The following SNRPN variants were observed in gnomAD, a reference collection of about 807,000 sequenced individuals.
SNRPN encodes the protein small nuclear ribonucleoprotein-associated protein N.
A neutral mutation model predicts 25.2 loss-of-function variants in SNRPN; 7 were observed. The ratio of observed to expected loss-of-function variants is 0.28; its 90% CI spans 0.16 to 0.52. The LOEUF (loss-of-function observed/expected upper bound fraction) is 0.52, where lower values mean the gene tolerates loss of function less well. SNRPN is among the 20% of genes least tolerant of loss of function. The probability of loss-of-function intolerance (pLI) is 0.96; values close to 1 mark genes in which losing one functional copy is unlikely to be tolerated. For synonymous variants in SNRPN, 124 were observed against 110.6 expected (o/e 1.12, Z -0.76); for missense variants, 196 against 322.5 (o/e 0.61, Z 3.00).
chr15:24,838,043 T>A (rs28505893), intron 2 of SNRPN, among the ~76,000 whole-genome samples: 14,409 of 147,372 alleles, frequency 0.098, 1,153 homozygotes, highest in African/African-American at 0.22. Context: ...TTATTTATTT[T>A]TTTTTTTTTG....
rs879612344 is a variant in SNRPN, at chr15:24,939,428, A to ATG, written c.-391+19305_-391+19306insGT. Among the ~76,000 whole-genome samples the ATG allele has an allele frequency of 6.4e-3, 976 of 151,360 alleles. 6 individuals are homozygous for ATG. Among genetic ancestry groups the ATG allele is most frequent in the Admixed American group, 9.9e-3 (150 of 15,182 alleles). On this transcript the variant is annotated intron_variant, in intron 3 of 11. Coordinates refer to the SNRPN transcript ENST00000400097. The stretch of plus-strand genomic sequence containing the variant: ...GACGTTTGCCCATTTTTATGTATGT[A>ATG]TATATGTATGTATTTATTTATTGAG...
In SNRPN at chr15:24,902,356, A is replaced by G. The variant is rs190663414; in HGVS notation, c.-505+15767A>G. Among the ~76,000 whole-genome samples, 4 of 152,332 alleles carry G rather than the reference A, an allele frequency of 2.6e-5. No individual in the cohort carries two copies. The East Asian group carries it at 7.7e-4, about 29-fold the overall frequency. ...TGGTCAGGGAATGCTATCTAGAGGA[A>G]GAAAATTATGACTAGAGACAAGAAT... On this transcript the variant is annotated intron_variant, in intron 2 of 11. Transcript: ENST00000400097.
chr15:24,955,752 GCGA>G (rs1324781270), intron 1 of SNRPN, among the ~76,000 whole-genome samples: 198 of 151,706 alleles, frequency 1.3e-3, no homozygotes, highest in Non-Finnish European at 2.2e-3. Context: ...GGGGAAGGCG[GCGA>G]CAGTGGGTAT....
At chr15:24,873,588 C>G (rs1330701671) in intron 1 of SNRPN, among the ~76,000 whole-genome samples, 1 of 151,966 alleles carries the variant, frequency 6.6e-6, no homozygotes, top group Non-Finnish European at 1.5e-5. Context: ...GCTGGGACCA[C>G]AAGTGCCCAC....
At position 24,956,507 on chromosome 15, in the gene SNRPN, C is replaced by T. The variant is rs115648083; in HGVS notation, c.-391+1445C>T. ...CGGCCAAGGTGGGCGGCTGCCCCCT[C>T]CCCAAAGTGCTGCTTGGGAAAGGAT... On this transcript the variant is annotated intron_variant, in intron 1 of 9. Transcript: ENST00000390687. Among the ~76,000 whole-genome samples, 377 of 152,120 alleles carry T rather than the reference C, an allele frequency of 2.5e-3. 1 individual carries two copies. Among genetic ancestry groups the T allele is most frequent in the African/African-American group, 8.7e-3 (363 of 41,556 alleles).
At chr15:24,913,991 C>T (rs1246654549) in intron 2 of SNRPN, among the ~76,000 whole-genome samples, 1 of 152,154 alleles carries the variant, frequency 6.6e-6, no homozygotes, top group East Asian at 1.9e-4. Flanking sequence ...AGTTACTAAG[C>T]ATGTTGCTAT....
intron 1 of SNRPN, among the ~76,000 whole-genome samples, chr15:24,881,714 T>G (rs2056704663): frequency 6.6e-6 from 1 of 152,034 alleles, no homozygotes; most frequent in Admixed American, 6.6e-5. Flanking sequence ...CGAAGAACCG[T>G]GGAAATATTA....
intron 2 of SNRPN, among the ~76,000 whole-genome samples, chr15:24,837,399 A>G (rs1018804103): frequency 2.7e-5 from 4 of 148,292 alleles, no homozygotes; most frequent in Admixed American, 6.8e-5. Flanking sequence ...GTGGAGTCTC[A>G]CTGTGTAGCC....
At chr15:24,977,698 C>A in intron 7 of SNRPN, 80 bp from the exon 8 acceptor site, 4 of 1,331,014 alleles carry the variant, frequency 3.0e-6, no homozygotes, top group South Asian at 3.2e-5. Flanking sequence ...ACTAATTGGT[C>A]ATTTTTCTCA....
At chr15:24,858,378 TCA>T (rs771346774) in intron 1 of SNRPN, among the ~76,000 whole-genome samples, 8 of 152,278 alleles carry the variant, frequency 5.3e-5, no homozygotes, top group Non-Finnish European at 1.0e-4. Flanking sequence ...AATAATTTTC[TCA>T]GTTATGATTT....
In SNRPN at chr15:24,866,438, C is replaced by G. The variant is rs546487434; in HGVS notation, c.-579+9722C>G. ...AATAGACACAGGCTCTCGCTCTGCA[C>G]CTAGGCTGGAGTGCAGTGGTTTGAT... On this transcript the variant is annotated intron_variant, in intron 1 of 11. Transcript: ENST00000400097. Among the ~76,000 whole-genome samples the G allele has an allele frequency of 2.6e-5, 4 of 152,206 alleles. No homozygotes were observed. The South Asian group carries it at 6.2e-4, about 24-fold the overall frequency.
chr15:24,882,823 C>CAAAAAAAAAAA (rs10543501), intron 1 of SNRPN, among the ~76,000 whole-genome samples: 5 of 127,102 alleles, frequency 3.9e-5, no homozygotes, highest in African/African-American at 1.5e-4. Flanking sequence ...GACTCCATCT[C>CAAAAAAAAAAA]AAAAAAAAAA....
At chr15:24,863,691 C>T (rs5001649) in intron 1 of SNRPN, among the ~76,000 whole-genome samples, 56,467 of 150,144 alleles carry the variant, frequency 0.38, 12,843 homozygotes, top group African/African-American at 0.6. Context: ...ATATGTTTGC[C>T]TAATCATTCC....
chr15:24,916,082 C>G (rs558831570), intron 2 of SNRPN, among the ~76,000 whole-genome samples: 2 of 150,312 alleles, frequency 1.3e-5, no homozygotes, highest in East Asian at 4.0e-4. Flanking sequence ...AGTGATTCTC[C>G]TGCCTCAGCC....
At chr15:24,951,914 T>G (rs1004610059), upstream of SNRPN, among the ~76,000 whole-genome samples, 1 of 152,326 alleles carries the variant, frequency 6.6e-6, no homozygotes, top group African/African-American at 2.4e-5. Flanking sequence ...TTTCTTAATG[T>G]CCCTTGAATC....
rs149602115 is a variant in SNRPN at position 24,918,570 on chromosome 15, A to G, written c.-504-1441A>G. Among the ~76,000 whole-genome samples the G allele has an allele frequency of 4.2e-3, 240 of 56,616 alleles. 7 individuals carry two copies. The highest frequency in any genetic ancestry group is 0.012 in the African/African-American group (168 of 14,420). The allele number at this position is 56,616 out of a possible 152,430, so 37.1% of individuals were successfully genotyped here. A position where few individuals can be genotyped will look rare whatever the true frequency, so the allele number is the denominator to read the frequency against. ...TGTGTGTATATATAACATAATATAT[A>G]TGTATATATATAACATAATATATAT... On this transcript the variant is annotated intron_variant, in intron 2 of 11. Transcript: ENST00000400097.
chr15:24,907,582 A>G (rs1302347189), intron 2 of SNRPN, among the ~76,000 whole-genome samples: 1 of 152,082 alleles, frequency 6.6e-6, no homozygotes, highest in Non-Finnish European at 1.5e-5. Context: ...TGGGTGACAG[A>G]GCGAGACTCC....
chr15:24,854,365 G>A (rs1417859036), upstream of SNRPN, among the ~76,000 whole-genome samples: 1 of 152,140 alleles, frequency 6.6e-6, no homozygotes, highest in Non-Finnish European at 1.5e-5. Flanking sequence ...GCCATAAAGG[G>A]CCACCTTTAT....
upstream of SNRPN, among the ~76,000 whole-genome samples, chr15:24,951,798 GC>G (rs1171304283): frequency 6.6e-6 from 1 of 152,136 alleles, no homozygotes; most frequent in Admixed American, 6.6e-5. Flanking sequence ...ATGAGTCACT[GC>G]GCCCAGCCAA....
Sources: gnomAD v4.1 joint callset for allele counts (sites outside exome capture counted in the v4.1 genomes callset) on GRCh38, gnomAD v4.1.1 for gene constraint, MANE v1.5 for transcripts, NCBI Gene and HGNC (gene_info 2026-07-23, HGNC 2026-07-21) for gene names.